The following NELL1 variants were observed in gnomAD, a reference collection of about 807,000 sequenced individuals.
NELL1 encodes neural EGFL like 1.
NELL1 carries 76 observed loss-of-function variants against 107.4 expected under a neutral mutation model. That is an observed-to-expected ratio of 0.71 (90% CI 0.59 to 0.86). The LOEUF (loss-of-function observed/expected upper bound fraction) is 0.86, where lower values mean the gene tolerates loss of function less well. Among genes scored for constraint, NELL1 ranks in the 40% least tolerant of loss-of-function variants. The pLI is 0.00. For synonymous variants in NELL1, 353 were observed against 341.2 expected (o/e 1.03, Z -0.38); for missense variants, 1,024 against 1,005.5 (o/e 1.02, Z -0.25).
At chr11:20,796,682 T>C (rs950017318) in intron 3 of NELL1, among the ~76,000 whole-genome samples, 15 of 152,136 alleles carry the variant, frequency 9.9e-5, no homozygotes, top group Admixed American at 3.9e-4. Context: ...GTCAGCATCA[T>C]TCTGGAGATA....
At chr11:21,056,033 ACT>A (rs1224738116) in intron 12 of NELL1, among the ~76,000 whole-genome samples, 1 of 152,180 alleles carries the variant, frequency 6.6e-6, no homozygotes, top group East Asian at 1.9e-4. Context: ...TGGGCCAGAC[ACT>A]CATCATGGAT....
chr11:21,273,684 A>G (rs1848790612), intron 14 of NELL1, among the ~76,000 whole-genome samples: 1 of 152,268 alleles, frequency 6.6e-6, no homozygotes, highest in Admixed American at 6.5e-5. Flanking sequence ...AGGGAAACCC[A>G]TCAGACTAAC....
intron 14 of NELL1, among the ~76,000 whole-genome samples, chr11:21,290,667 G>C (rs1468965824): frequency 4.6e-5 from 7 of 152,190 alleles, no homozygotes; most frequent in African/African-American, 1.2e-4. Context: ...AGTCTTTGCT[G>C]TTCTGCAGCC....
intron 12 of NELL1, among the ~76,000 whole-genome samples, chr11:20,991,098 C>G (rs1851962383): frequency 6.6e-6 from 1 of 152,216 alleles, no homozygotes; most frequent in Non-Finnish European, 1.5e-5. Context: ...AGGAAGTATT[C>G]AGACACCATG....
chr11:21,277,190 A>G (rs1258028565), intron 14 of NELL1, among the ~76,000 whole-genome samples: 4 of 152,214 alleles, frequency 2.6e-5, no homozygotes, highest in Non-Finnish European at 5.9e-5. Flanking sequence ...ATGAACTCAA[A>G]CAAATCTACA....
rs186486102 is a variant in NELL1, at chr11:21,248,278, C to T, written c.1549+18824C>T. ...GGAGGATTGCTTAAGCCCAGGATGT[C>T]GAAGCTGCAGTGATCCGAGATCATG... On this transcript the variant is annotated intron_variant, in intron 14 of 19. Transcript: ENST00000357134. 9.7e-4 allele frequency among the ~76,000 whole-genome samples: 147 copies of T among 150,824 alleles called. 1 individual carries two copies. The highest frequency in any genetic ancestry group is 2.2e-4 in the Non-Finnish European group (15 of 67,800).
chr11:20,981,158 TA>T (rs1851740867), intron 12 of NELL1, among the ~76,000 whole-genome samples: 3 of 152,318 alleles, frequency 2.0e-5, no homozygotes, highest in African/African-American at 7.2e-5. Context: ...GCAAGGCACT[TA>T]AAACTGAATT....
intron 10 of NELL1, among the ~76,000 whole-genome samples, chr11:20,943,538 G>T (rs1031307019): frequency 2.6e-5 from 4 of 151,968 alleles, no homozygotes; most frequent in Non-Finnish European, 5.9e-5. Flanking sequence ...AGCTGAGATT[G>T]CGCCACTGCA....
intron 3 of NELL1, among the ~76,000 whole-genome samples, chr11:20,807,058 T>G (rs970962324): frequency 7.2e-5 from 11 of 152,168 alleles, no homozygotes; most frequent in African/African-American, 2.7e-4. Flanking sequence ...TATTTAGTTT[T>G]TTTTTTTTTT....
At chr11:21,159,702 C>A (rs1856319373) in intron 13 of NELL1, among the ~76,000 whole-genome samples, 1 of 152,216 alleles carries the variant, frequency 6.6e-6, no homozygotes, top group Non-Finnish European at 1.5e-5. Flanking sequence ...TCTTTGGAAT[C>A]TACACTGCAA....
At chr11:21,028,718 T>G (rs1362581297) in intron 12 of NELL1, among the ~76,000 whole-genome samples, 1 of 152,118 alleles carries the variant, frequency 6.6e-6, no homozygotes, top group African/African-American at 2.4e-5. Context: ...TTTTCTTATT[T>G]CTCCCTTTGG....
At chr11:20,862,698 A>G (rs1395377074) in intron 4 of NELL1, among the ~76,000 whole-genome samples, 1 of 145,522 alleles carries the variant, frequency 6.9e-6, no homozygotes, top group Non-Finnish European at 1.5e-5. Flanking sequence ...AGGGAAGGTC[A>G]GCAGATAAAC....
At chr11:20,676,149 G>A (rs1390983644) in intron 1 of NELL1, among the ~76,000 whole-genome samples, 1 of 151,968 alleles carries the variant, frequency 6.6e-6, no homozygotes, top group East Asian at 1.9e-4. Context: ...TCGTTTGCAT[G>A]CACCCTTCTC....
At chr11:21,566,000 G>A (rs1856964778) in intron 17 of NELL1, among the ~76,000 whole-genome samples, 1 of 151,802 alleles carries the variant, frequency 6.6e-6, no homozygotes, top group South Asian at 2.1e-4. Context: ...CATCAGCAAG[G>A]TTTTTTTCTT....
intron 15 of NELL1, among the ~76,000 whole-genome samples, chr11:21,440,458 A>T (rs1853252200): frequency 1.3e-5 from 2 of 152,206 alleles, no homozygotes; most frequent in African/African-American, 4.8e-5. Flanking sequence ...GTAACACAGC[A>T]ATATTTTCTG....
At chr11:20,705,274 G>T (rs1243679291) in intron 2 of NELL1, among the ~76,000 whole-genome samples, 5 of 152,118 alleles carry the variant, frequency 3.3e-5, no homozygotes, top group Non-Finnish European at 7.3e-5. Flanking sequence ...ATGCTACAAG[G>T]CTACAGTAAC....
At chr11:20,950,827 T>C (rs1445538414) in intron 11 of NELL1, among the ~76,000 whole-genome samples, 1 of 152,218 alleles carries the variant, frequency 6.6e-6, no homozygotes, top group African/African-American at 2.4e-5. Flanking sequence ...TGGTATGCTA[T>C]AGCTGTACTG....
At chr11:21,025,261 C>G (rs904658368) in intron 12 of NELL1, among the ~76,000 whole-genome samples, 2 of 151,864 alleles carry the variant, frequency 1.3e-5, no homozygotes, top group East Asian at 1.9e-4. Context: ...GTATACCAAG[C>G]CTTATGCTTT....
chr11:21,571,872 T>A (rs1332056793), intron 18 of NELL1, among the ~76,000 whole-genome samples: 1 of 151,900 alleles, frequency 6.6e-6, no homozygotes, highest in Non-Finnish European at 1.5e-5. Context: ...ATTAGCTGTG[T>A]GTCCGTAATT....
Sources: gnomAD v4.1 joint callset for allele counts (sites outside exome capture counted in the v4.1 genomes callset) on GRCh38, gnomAD v4.1.1 for gene constraint, MANE v1.5 for transcripts, NCBI Gene and HGNC (gene_info 2026-07-23, HGNC 2026-07-21) for gene names.